CPEB2: variants seen among roughly 807,000 people sequenced by gnomAD.
CPEB2 encodes cytoplasmic polyadenylation element-binding protein 2.
CPEB2 carries 56 observed loss-of-function variants against 93.6 expected under a neutral mutation model. That is an observed-to-expected ratio of 0.60 (90% confidence interval 0.48 to 0.75). The LOEUF (loss-of-function observed/expected upper bound fraction) is 0.75. Ranked by LOEUF, CPEB2 falls within the 30% of genes least tolerant of loss-of-function variation. The pLI is 0.00. For missense variants in CPEB2, 1,579 were observed against 1,395.1 expected, an observed-to-expected ratio of 1.13 and a Z score of -2.10; for synonymous variants, 764 against 586.3, an observed-to-expected ratio of 1.30 and a Z score of -4.38.
Position 15,002,841 on chromosome 4 carries a change from C to T in CPEB2, c.168C>T (p.Thr56=), listed in dbSNP as rs1389863101. 4 of 1,535,124 alleles carry T rather than the reference C, an allele frequency of 2.6e-6. No homozygotes were observed. In the East Asian group the frequency reaches 7.4e-5, roughly 28 times the overall value. The change falls in exon 1 of 12, where the codon ACC becomes ACT. Residue 56 remains threonine, a synonymous_variant. Transcript: ENST00000538197. ...TGTCGCCACCACCGTTGCCTGTCAC[C>T]GGCTTCTTAGAGGCCGCCTCCCCCT... ...GPLSPPPLPV[T]GFLEAASPFS... is the part of the protein sequence containing the mutation.
chr4:15,003,947 C>T lies in CPEB2; in HGVS notation c.1274C>T (p.Thr425Ile). 1 of 1,275,326 alleles carries T rather than the reference C, an allele frequency of 7.8e-7. No individual in the cohort carries two copies. Among genetic ancestry groups the T allele is most frequent in the Non-Finnish European group, 1.0e-6 (1 of 984,254 alleles). The allele number at this position is 1,275,326 out of a possible 1,614,324, so 79.0% of individuals were successfully genotyped here. ...PQPQPPGSSA[T>I]TPGGGSGGSL... ...CCGCAGCCGCCCGGCTCGTCTGCCA[C>T]CACCCCGGGCGGCGGCAGCGGCGGC... The change falls in exon 1 of 12, where the codon ACC (threonine) becomes ATC (isoleucine). Residue 425 changes from threonine to isoleucine, a missense_variant. Physicochemically the swap from Thr to Ile is moderately conservative, Grantham distance 89. Coordinates refer to ENST00000538197, the MANE Select transcript of CPEB2 (RefSeq NM_001177382.2).
rs1722274468 is a variant in CPEB2 at position 15,003,440 on chromosome 4, C to T, written c.767C>T (p.Ala256Val). Reference protein sequence around the residue: ...PQDFAPRQRPADLPPLPQLPP... With the variant: ...PQDFAPRQRPVDLPPLPQLPP... ...GACTTCGCCCCGCGGCAGCGTCCGG[C>T]AGACCTGCCCCCGCTCCCGCAGCTC... is the stretch of plus-strand genomic sequence containing the variant. The change falls in exon 1 of 12, where the codon GCA becomes GTA. Residue 256 changes from alanine (A) to valine (V), a missense_variant. By Grantham distance (64) the Ala-to-Val change is moderately conservative. Transcript: ENST00000538197. The T allele has an allele frequency of 7.4e-7, 1 of 1,357,700 alleles. No homozygotes were observed. The highest frequency in any genetic ancestry group is 9.4e-7 in the Non-Finnish European group (1 of 1,065,508). The allele number at this position is 1,357,700 out of a possible 1,614,324, so 84.1% of individuals were successfully genotyped here.
chr4:15,047,588 A>G (rs1211922949), intron 6 of CPEB2, among the ~76,000 whole-genome samples: 2 of 152,054 alleles, frequency 1.3e-5, no homozygotes, highest in Non-Finnish European at 1.5e-5. Flanking sequence ...GTTTTTGTAA[A>G]TTGAATTTGC....
intron 3 of CPEB2, among the ~76,000 whole-genome samples, chr4:15,009,885 G>A (rs559178928): frequency 2.4e-4 from 36 of 152,292 alleles, no homozygotes; most frequent in African/African-American, 8.2e-4. Flanking sequence ...ACCAGCCTCC[G>A]GGGCTGCCCT....
chr4:15,030,603 A>G (rs2109023502), intron 4 of CPEB2, among the ~76,000 whole-genome samples: 1 of 152,218 alleles, frequency 6.6e-6, no homozygotes, highest in South Asian at 2.1e-4. Context: ...TAACTTTAAA[A>G]GTTAACCTAT....
intron 4 of CPEB2, among the ~76,000 whole-genome samples, chr4:15,031,341 A>C (rs985472825): frequency 6.6e-6 from 1 of 152,062 alleles, no homozygotes; most frequent in Non-Finnish European, 1.5e-5. Flanking sequence ...CTGTTCTCCA[A>C]ATTTGGCCAT....
chr4:15,066,278 T>C lies in CPEB2; in HGVS notation c.3003T>C (p.Phe1001=). 6.2e-7 allele frequency: 1 copy of C among 1,613,612 alleles called. No homozygotes were observed. Among genetic ancestry groups the C allele is most frequent in the Non-Finnish European group, 8.5e-7 (1 of 1,179,696 alleles). ...CTTGCCTGCAGTATTACTGTGAGTT[T>C]TGTTGGGCAAATATCCACTCTCGTG... ...NVTCLQYYCE[F]CWANIHSRAG... is the part of the protein sequence containing the mutation. The change falls in exon 12 of 12, where the codon TTT becomes TTC. Residue 1001 remains phenylalanine (F), a synonymous_variant. Transcript: ENST00000538197.
At chr4:15,056,753 T>G (rs1385271913) in intron 8 of CPEB2, among the ~76,000 whole-genome samples, 1 of 152,200 alleles carries the variant, frequency 6.6e-6, no homozygotes, top group East Asian at 1.9e-4. Flanking sequence ...GTACGTAAGT[T>G]TCCTTTGCAG....
In CPEB2 at chr4:15,054,141, T is replaced by C. The variant is rs759669055; in HGVS notation, c.2385T>C (p.Ala795=). The C allele has an allele frequency of 3.1e-6, 5 of 1,608,598 alleles. No individual in the cohort carries two copies. Among genetic ancestry groups the C allele is most frequent in the South Asian group, 1.1e-5 (1 of 90,064 alleles). The change falls in exon 8 of 12, where the codon GCT becomes GCC. Residue 795 remains alanine (A), a synonymous_variant. Transcript: ENST00000538197. ...PPDIDEDEIT[A]SFRRFGPLVV... is the part of the protein sequence containing the mutation. Reference sequence around the variant, plus strand: ...TACTTTCTTAAGATGAAATAACTGCTAGCTTCAGAAGATTTGGGCCTTTGG... The same window carrying C: ...TACTTTCTTAAGATGAAATAACTGCCAGCTTCAGAAGATTTGGGCCTTTGG...
chr4:15,062,356 T>C (rs1729269556), intron 11 of CPEB2, 96 bp downstream of exon 11: 1 of 791,620 alleles, frequency 1.3e-6, no homozygotes, highest in Non-Finnish European at 1.9e-6. Context: ...TTGAACACTT[T>C]AATTTTTATA....
intron 11 of CPEB2, among the ~76,000 whole-genome samples, chr4:15,065,170 C>T (rs933004681): frequency 6.6e-6 from 1 of 151,954 alleles, no homozygotes; most frequent in Non-Finnish European, 1.5e-5. Flanking sequence ...AATAATATTG[C>T]GGAAAATATC....
rs759871405 is a variant in CPEB2, at chr4:15,007,384, A to G, written c.1742A>G (p.His581Arg). The stretch of plus-strand genomic sequence containing the variant: ...GGAAGTATGTCCTGGGGAGCAATGC[A>G]TGGCAGAGATCATCGTAGAACCGGA... ...GTGSMSWGAM[H>R]GRDHRRTGNM... is the part of the protein sequence containing the mutation. Residue 581 changes from histidine to arginine, a missense_variant, in exon 2 of 12, where the codon CAT becomes CGT. Transcript: ENST00000538197. 3.1e-6 allele frequency: 5 copies of G among 1,613,386 alleles called. No individual in the cohort carries two copies. The highest frequency in any genetic ancestry group is 2.2e-5 in the South Asian group (2 of 90,910).
At chr4:15,052,975 G>A (rs925885389) in intron 7 of CPEB2, among the ~76,000 whole-genome samples, 2 of 151,594 alleles carry the variant, frequency 1.3e-5, no homozygotes, top group African/African-American at 4.8e-5. Flanking sequence ...GATAATATCT[G>A]CAATGCTTGG....
intron 4 of CPEB2, among the ~76,000 whole-genome samples, chr4:15,022,153 A>G (rs149628279): frequency 1.3e-5 from 2 of 152,322 alleles, no homozygotes; most frequent in African/African-American, 2.4e-5. Context: ...GGCCCACCCT[A>G]GAAGTGGTGT....
At chr4:15,052,883 A>G (rs554293091) in intron 7 of CPEB2, among the ~76,000 whole-genome samples, 2 of 152,196 alleles carry the variant, frequency 1.3e-5, no homozygotes, top group South Asian at 4.1e-4. Flanking sequence ...GAATATATTT[A>G]GGTATATAAA....
chr4:15,019,227 T>TA (rs943683501), intron 4 of CPEB2, among the ~76,000 whole-genome samples: 1 of 151,132 alleles, frequency 6.6e-6, no homozygotes, highest in Non-Finnish European at 1.5e-5. Context: ...CTGCATAAAA[T>TA]AAAAAAATAA....
intron 8 of CPEB2, among the ~76,000 whole-genome samples, chr4:15,055,298 G>A (rs1023657397): frequency 6.6e-6 from 1 of 152,104 alleles, no homozygotes; most frequent in African/African-American, 2.4e-5. Context: ...ATGAGAATCT[G>A]ATTAAAGCTA....
chr4:15,044,552 C>T (rs1056425334), intron 6 of CPEB2, among the ~76,000 whole-genome samples: 2 of 152,032 alleles, frequency 1.3e-5, no homozygotes. Context: ...AGTAAATTAT[C>T]TTCTTTATCC....
chr4:15,056,098 C>T (rs760697362), intron 8 of CPEB2, among the ~76,000 whole-genome samples: 1 of 152,106 alleles, frequency 6.6e-6, no homozygotes, highest in Non-Finnish European at 1.5e-5. Context: ...AAAATAGTGT[C>T]TTTATTCACC....
Sources: allele counts gnomAD v4.1 joint callset (sites outside exome capture counted in the v4.1 genomes callset), GRCh38; gene constraint gnomAD v4.1.1; transcripts MANE v1.5; gene names NCBI Gene and HGNC (gene_info 2026-07-23, HGNC 2026-07-21).